CNTNAP2: variants seen among roughly 807,000 people sequenced by gnomAD.
The protein encoded by CNTNAP2 is contactin-associated protein-like 2.
In CNTNAP2, 98 loss-of-function variants were observed where a neutral mutation model predicts 155.2. The observed-to-expected ratio is 0.63, with a 90% CI of 0.54 to 0.75. CNTNAP2 has a LOEUF of 0.75. CNTNAP2 is among the 30% of genes least tolerant of loss of function. The pLI, the probability that CNTNAP2 is intolerant of heterozygous loss-of-function variation, is 0.00. For missense variants in CNTNAP2, 1,727 were observed against 1,688.1 expected (o/e 1.02, Z -0.40); for synonymous variants, 651 against 631.2 (o/e 1.03, Z -0.47).
chr7:146,459,754 T>C (rs1219911653), intron 1 of CNTNAP2, among the ~76,000 whole-genome samples: 1 of 152,100 alleles, frequency 6.6e-6, no homozygotes, highest in African/African-American at 2.4e-5. Flanking sequence ...ATGAATTGCT[T>C]GAGGTCAGGA....
rs534803417 is a variant in CNTNAP2 at position 146,686,625 on chromosome 7, C to T, written c.98-87646C>T. On this transcript the variant is annotated intron_variant, in intron 1 of 23. Coordinates refer to ENST00000361727, the MANE Select transcript of CNTNAP2 (RefSeq NM_014141.6). ...ATTAAAAGATAATTTTTAAGGAGTT[C>T]TAATTTTCCTTCATTGTTGATGACT... Among the ~76,000 whole-genome samples, 307 of 152,246 alleles carry T rather than the reference C, an allele frequency of 2.0e-3. 3 individuals are homozygous for T. Among genetic ancestry groups the T allele is most frequent in the South Asian group, 0.011 (51 of 4,822 alleles).
chr7:146,679,486 G>A (rs1800464121), intron 1 of CNTNAP2, among the ~76,000 whole-genome samples: 1 of 151,490 alleles, frequency 6.6e-6, no homozygotes. Context: ...CTCCTGAGTG[G>A]CTGGGATTAC....
chr7:148,339,974 A>AGTGTGTGT (rs10603520), intron 21 of CNTNAP2, among the ~76,000 whole-genome samples: 10,501 of 144,774 alleles, frequency 0.073, 501 homozygotes, highest in South Asian at 0.17. Flanking sequence ...TCCTTCGTGC[A>AGTGTGTGT]GTGTGTGTGT....
chr7:148,270,001 A>G (rs569458120), intron 21 of CNTNAP2, among the ~76,000 whole-genome samples: 46 of 152,340 alleles, frequency 3.0e-4, no homozygotes, highest in African/African-American at 1.1e-3. Context: ...TAGACTTTTT[A>G]TTACTTTGTG....
intron 10 of CNTNAP2, among the ~76,000 whole-genome samples, chr7:147,451,537 G>A (rs1797833765): frequency 6.6e-6 from 1 of 151,958 alleles, no homozygotes; most frequent in Admixed American, 6.6e-5. Flanking sequence ...GAAACAGTGG[G>A]AGTAATAATA....
chr7:148,085,105 T>C (rs1585117372), intron 15 of CNTNAP2, among the ~76,000 whole-genome samples: 1 of 152,216 alleles, frequency 6.6e-6, no homozygotes, highest in African/African-American at 2.4e-5. Flanking sequence ...AATTTATATT[T>C]AACAGCCATT....
chr7:147,407,632 G>T (rs954239790), intron 10 of CNTNAP2, among the ~76,000 whole-genome samples: 4 of 149,948 alleles, frequency 2.7e-5, no homozygotes, highest in African/African-American at 1.0e-4. Flanking sequence ...TACAGGATAG[G>T]ATCTCTTCTC....
intron 15 of CNTNAP2, among the ~76,000 whole-genome samples, chr7:148,116,173 T>G (rs1015364455): frequency 5.3e-5 from 8 of 151,580 alleles, no homozygotes; most frequent in Non-Finnish European, 1.2e-4. Context: ...AAGACTGCAC[T>G]AAGATTAGGA....
chr7:147,276,658 C>A (rs1804902687), intron 8 of CNTNAP2, among the ~76,000 whole-genome samples: 1 of 152,030 alleles, frequency 6.6e-6, no homozygotes, highest in African/African-American at 2.4e-5. Flanking sequence ...ACTGTAACAG[C>A]ATAATATTTC....
At chr7:147,524,464 T>C (rs540919719) in intron 11 of CNTNAP2, among the ~76,000 whole-genome samples, 1 of 152,316 alleles carries the variant, frequency 6.6e-6, no homozygotes, top group Admixed American at 6.5e-5. Context: ...CACAGAAGAC[T>C]AAAATATAAT....
chr7:147,049,139 A>G (rs1799423006), intron 4 of CNTNAP2, among the ~76,000 whole-genome samples: 1 of 152,290 alleles, frequency 6.6e-6, no homozygotes, highest in African/African-American at 2.4e-5. Flanking sequence ...TGACCTACTC[A>G]TGTCTTAAAA....
At chr7:147,313,439 G>A (rs1199219697) in intron 9 of CNTNAP2, among the ~76,000 whole-genome samples, 4 of 150,634 alleles carry the variant, frequency 2.7e-5, no homozygotes, top group Non-Finnish European at 5.9e-5. Flanking sequence ...TAATTTTTGT[G>A]TAAGGTGTAA....
At chr7:147,168,343 A>G (rs1300794742) in intron 8 of CNTNAP2, among the ~76,000 whole-genome samples, 1 of 151,908 alleles carries the variant, frequency 6.6e-6, no homozygotes, top group Non-Finnish European at 1.5e-5. Flanking sequence ...TACTGATGTT[A>G]TTTTAAGAGC....
intron 1 of CNTNAP2, among the ~76,000 whole-genome samples, chr7:146,708,873 C>G (rs1012103215): frequency 6.6e-6 from 1 of 151,924 alleles, no homozygotes; most frequent in Admixed American, 6.6e-5. Context: ...CAGGCGTGAA[C>G]CACTGCGCCT....
At chr7:146,267,937 G>C (rs1269690538) in intron 1 of CNTNAP2, among the ~76,000 whole-genome samples, 1 of 152,126 alleles carries the variant, frequency 6.6e-6, no homozygotes, top group Non-Finnish European at 1.5e-5. Flanking sequence ...TATGTGCAGG[G>C]ATCTAGGTAT....
At chr7:147,237,463 C>T (rs1217940178) in intron 8 of CNTNAP2, among the ~76,000 whole-genome samples, 2 of 152,152 alleles carry the variant, frequency 1.3e-5, no homozygotes, top group Non-Finnish European at 2.9e-5. Context: ...CCCAGGGTAA[C>T]CTGTCTTCTC....
At chr7:147,094,597 G>A (rs1326357875) in intron 4 of CNTNAP2, among the ~76,000 whole-genome samples, 2 of 151,404 alleles carry the variant, frequency 1.3e-5, no homozygotes, top group East Asian at 3.9e-4. Context: ...TAGTAGAGAC[G>A]GGGTTTCACT....
At chr7:146,382,574 A>G (rs1344103976) in intron 1 of CNTNAP2, among the ~76,000 whole-genome samples, 2 of 152,230 alleles carry the variant, frequency 1.3e-5, no homozygotes, top group East Asian at 3.8e-4. Flanking sequence ...ATTACTTTTC[A>G]GGTAGCTCCA....
intron 20 of CNTNAP2, among the ~76,000 whole-genome samples, chr7:148,241,477 T>C (rs1387702194): frequency 1.3e-5 from 2 of 152,136 alleles, no homozygotes; most frequent in African/African-American, 2.4e-5. Context: ...AGAAAGACCA[T>C]CAGTCATACA....
Sources: allele counts gnomAD v4.1 joint callset (sites outside exome capture counted in the v4.1 genomes callset), GRCh38; gene constraint gnomAD v4.1.1; transcripts MANE v1.5; gene names NCBI Gene and HGNC (gene_info 2026-07-23, HGNC 2026-07-21).